RHOBTB1: variants seen among roughly 807,000 people sequenced by gnomAD.
RHOBTB1 encodes the protein Rho related BTB domain containing 1.
RHOBTB1 carries 40 observed loss-of-function variants against 71.6 expected under a neutral mutation model. That is an observed-to-expected ratio of 0.56 (90% CI 0.43 to 0.73). The LOEUF (loss-of-function observed/expected upper bound fraction) is 0.73, where lower values mean the gene tolerates loss of function less well. Ranked by LOEUF, RHOBTB1 falls within the 30% of genes least tolerant of loss-of-function variation. The pLI is 0.00. For missense variants in RHOBTB1, 797 were observed against 894.0 expected (o/e 0.89, Z 1.38); for synonymous variants, 319 against 334.9 (o/e 0.95, Z 0.52).
chr10:60,970,900 A>T (rs972090961), intron 2 of RHOBTB1, among the ~76,000 whole-genome samples: 2 of 152,094 alleles, frequency 1.3e-5, no homozygotes, highest in Non-Finnish European at 2.9e-5. Context: ...ATTCATGGAG[A>T]GTCAAACTCA....
At chr10:60,922,166 G>A (rs532592033) in intron 2 of RHOBTB1, among the ~76,000 whole-genome samples, 32 of 152,122 alleles carry the variant, frequency 2.1e-4, no homozygotes, top group Middle Eastern at 3.2e-3. Context: ...GATTCTCAGC[G>A]CTTTTTGGTG....
intron 2 of RHOBTB1, among the ~76,000 whole-genome samples, chr10:60,935,437 T>C (rs57968713): frequency 0.059 from 8,956 of 152,210 alleles, 513 homozygotes; most frequent in African/African-American, 0.14. Flanking sequence ...CTTTTTGTTA[T>C]ATACTGATAA....
chr10:60,995,707 T>G (rs1565216904), intron 1 of RHOBTB1, among the ~76,000 whole-genome samples: 1 of 152,226 alleles, frequency 6.6e-6, no homozygotes, highest in Non-Finnish European at 1.5e-5. Flanking sequence ...ATCTCAGAAG[T>G]ACACACAGCA....
At chr10:60,934,195 C>G (rs1185761599) in intron 2 of RHOBTB1, among the ~76,000 whole-genome samples, 2 of 152,160 alleles carry the variant, frequency 1.3e-5, no homozygotes, top group Non-Finnish European at 2.9e-5. Context: ...CTACTCTTGA[C>G]CTTCTCTCTG....
intron 2 of RHOBTB1, among the ~76,000 whole-genome samples, chr10:60,960,543 CT>C (rs1289559377): frequency 1.1e-4 from 17 of 152,230 alleles, no homozygotes; most frequent in African/African-American, 4.1e-4. Context: ...TACTATCTGT[CT>C]GAGAGTTTGA....
At chr10:60,874,172 C>G (rs537622789) in intron 9 of RHOBTB1, among the ~76,000 whole-genome samples, 1 of 152,236 alleles carries the variant, frequency 6.6e-6, no homozygotes, top group Non-Finnish European at 1.5e-5. Flanking sequence ...CCAAACCCAA[C>G]AGGCCGAAGA....
the RHOBTB1 span, among the ~76,000 whole-genome samples, chr10:60,862,695 CT>C: frequency 7.3e-6 from 1 of 137,742 alleles, no homozygotes; most frequent in Non-Finnish European, 1.5e-5. Flanking sequence ...CTTCCTCTTT[CT>C]TTTCTCTTTC....
chr10:60,883,054 A>G (rs1277734381), intron 7 of RHOBTB1, among the ~76,000 whole-genome samples: 1 of 152,190 alleles, frequency 6.6e-6, no homozygotes, highest in African/African-American at 2.4e-5. Context: ...CCCAACGTCA[A>G]GCTGAGAGTA....
intron 8 of RHOBTB1, among the ~76,000 whole-genome samples, chr10:60,876,050 C>T (rs185960064): frequency 3.2e-4 from 49 of 152,262 alleles, no homozygotes; most frequent in Non-Finnish European, 6.0e-4. Context: ...AATACAGTAT[C>T]GGGAATGGAA....
chr10:60,883,824 G>T (rs1029837573), intron 7 of RHOBTB1, among the ~76,000 whole-genome samples: 2 of 152,194 alleles, frequency 1.3e-5, no homozygotes, highest in African/African-American at 4.8e-5. Flanking sequence ...GTGTTTTCCA[G>T]ATCAGGATAC....
chr10:60,911,260 A>T (rs1010770622), intron 3 of RHOBTB1, 91 bp downstream of exon 3: 1 of 1,274,382 alleles, frequency 7.8e-7, no homozygotes, highest in Non-Finnish European at 1.1e-6. Context: ...TTGAATGTGT[A>T]ATTTATCCAC....
At chr10:60,983,040 T>A (rs1589456590) in intron 2 of RHOBTB1, among the ~76,000 whole-genome samples, 1 of 152,142 alleles carries the variant, frequency 6.6e-6, no homozygotes, top group Non-Finnish European at 1.5e-5. Context: ...TGAAAAAAAA[T>A]TACAAGTGCT....
chr10:60,959,455 G>C (rs964040638), intron 2 of RHOBTB1, among the ~76,000 whole-genome samples: 1 of 152,168 alleles, frequency 6.6e-6, no homozygotes, highest in Non-Finnish European at 1.5e-5. Flanking sequence ...GACAAGAAAG[G>C]ACTCAGACAC....
chr10:60,868,369 G>A (rs552618304), downstream of RHOBTB1, among the ~76,000 whole-genome samples: 10 of 152,034 alleles, frequency 6.6e-5, no homozygotes, highest in South Asian at 2.1e-4. Context: ...TGGAAAGGGC[G>A]GACAAATCTT....
At chr10:60,938,644 G>C (rs535355586) in intron 2 of RHOBTB1, among the ~76,000 whole-genome samples, 30 of 152,140 alleles carry the variant, frequency 2.0e-4, no homozygotes, top group Non-Finnish European at 3.5e-4. Context: ...TTACAAAGTA[G>C]AAACAAACCC....
At chr10:60,987,958 G>A (rs1307300801) in intron 1 of RHOBTB1, among the ~76,000 whole-genome samples, 2 of 102,562 alleles carry the variant, frequency 2.0e-5, no homozygotes, top group East Asian at 3.1e-4. Flanking sequence ...TTTTAAGACC[G>A]AGTCTCGCTC....
At chr10:60,877,837 G>T in intron 8 of RHOBTB1, 71 bp downstream of exon 8, 1 of 1,461,570 alleles carries the variant, frequency 6.8e-7, no homozygotes, top group South Asian at 1.3e-5. Flanking sequence ...TTCTCTGTAA[G>T]AATATTTTTA....
At chr10:60,992,676 C>A (rs1263065388) in intron 1 of RHOBTB1, among the ~76,000 whole-genome samples, 1 of 151,980 alleles carries the variant, frequency 6.6e-6, no homozygotes, top group Non-Finnish European at 1.5e-5. Context: ...TTCTCATGCC[C>A]CCAAATCATG....
At chr10:60,996,972 C>G (rs891810469) in intron 1 of RHOBTB1, among the ~76,000 whole-genome samples, 4 of 151,778 alleles carry the variant, frequency 2.6e-5, no homozygotes, top group African/African-American at 7.3e-5. Context: ...CTTATTACTA[C>G]TTATCAATTT....
Sources: allele counts gnomAD v4.1 joint callset (sites outside exome capture counted in the v4.1 genomes callset), GRCh38; gene constraint gnomAD v4.1.1; transcripts MANE v1.5; gene names NCBI Gene and HGNC (gene_info 2026-07-23, HGNC 2026-07-21).